GABRA3: variants seen among roughly 807,000 people sequenced by gnomAD.
The protein encoded by GABRA3 is gamma-aminobutyric acid type A receptor subunit alpha3, also known as gamma-aminobutyric acid receptor subunit alpha-3.
A neutral mutation model predicts 30.1 loss-of-function variants in GABRA3; 10 were observed. That is an observed-to-expected ratio of 0.33 (90% CI 0.20 to 0.56). The LOEUF (loss-of-function observed/expected upper bound fraction) is 0.56. Ranked by LOEUF, GABRA3 falls within the 20% of genes least tolerant of loss-of-function variation. The pLI is 0.89. For missense variants in GABRA3, 233 were observed against 392.0 expected, an observed-to-expected ratio of 0.59 and a Z score of 3.42; for synonymous variants, 151 against 146.8, an observed-to-expected ratio of 1.03 and a Z score of -0.21.
chrX:152,193,270 C>T (rs932464965), intron 8 of GABRA3, among the ~76,000 whole-genome samples: 2 of 111,338 alleles, frequency 1.8e-5, no homozygotes, highest in Non-Finnish European at 3.8e-5. Flanking sequence ...CTTAGAGTTT[C>T]GTATAAATAT....
chrX:152,225,409 C>A (rs1603216395), intron 5 of GABRA3, among the ~76,000 whole-genome samples: 1 of 49,673 alleles, frequency 2.0e-5, no homozygotes, highest in African/African-American at 1.1e-4. Flanking sequence ...CACACGCACA[C>A]ACACACACGC....
intron 3 of GABRA3, among the ~76,000 whole-genome samples, chrX:152,326,202 C>T (rs372284221): frequency 8.1e-5 from 9 of 111,224 alleles, no homozygotes; most frequent in East Asian, 5.7e-4. Context: ...TATGGGACTA[C>T]GTGAAAAGAC....
At chrX:152,180,261 C>G (rs1016974102) in intron 9 of GABRA3, among the ~76,000 whole-genome samples, 8 of 111,977 alleles carry the variant, frequency 7.1e-5, no homozygotes, top group African/African-American at 2.6e-4. Flanking sequence ...GAGGTGATAT[C>G]TCATTGTGGT....
intron 4 of GABRA3, among the ~76,000 whole-genome samples, chrX:152,261,256 A>G (rs12006612): frequency 0.049 from 5,517 of 111,486 alleles, 278 homozygotes; most frequent in African/African-American, 0.15. Context: ...GCCAAATCAT[A>G]TAATTCCACT....
intron 9 of GABRA3, among the ~76,000 whole-genome samples, chrX:152,182,363 GTATATATACACTATA>G (rs1368407137): frequency 1.1e-5 from 1 of 91,428 alleles, no homozygotes; most frequent in Non-Finnish European, 2.1e-5. Context: ...TACACACTAT[GTATATATACACTATA>G]TATAGTGTAT....
intron 7 of GABRA3, among the ~76,000 whole-genome samples, chrX:152,201,005 G>C (rs1423660448): frequency 8.9e-6 from 1 of 112,093 alleles, no homozygotes; most frequent in African/African-American, 3.2e-5. Flanking sequence ...CCTTGTATTG[G>C]AGGCTATCCG....
chrX:152,398,617 G>C (rs1345678745), intron 1 of GABRA3, among the ~76,000 whole-genome samples: 1 of 111,922 alleles, frequency 8.9e-6, no homozygotes, highest in African/African-American at 3.2e-5. Context: ...TATATAAAAA[G>C]TACAGAAGTT....
chrX:152,192,917 T>C (rs1224245538), intron 8 of GABRA3, among the ~76,000 whole-genome samples: 1 of 112,278 alleles, frequency 8.9e-6, no homozygotes, highest in Non-Finnish European at 1.9e-5. Flanking sequence ...TCTGAATGCA[T>C]AACCCCCTTT....
At chrX:152,344,691 G>C (rs767146954) in intron 3 of GABRA3, among the ~76,000 whole-genome samples, 39 of 111,757 alleles carry the variant, frequency 3.5e-4, no homozygotes, top group Middle Eastern at 4.7e-3. Flanking sequence ...GTCCCTTCTT[G>C]AGCAATGTGC....
At chrX:152,311,510 A>G (rs930409496) in intron 3 of GABRA3, among the ~76,000 whole-genome samples, 1 of 112,314 alleles carries the variant, frequency 8.9e-6, no homozygotes, top group Admixed American at 9.4e-5. Context: ...ACATTCCTTC[A>G]TGTTAAAACC....
chrX:152,257,845 C>T (rs1268958035), intron 4 of GABRA3, among the ~76,000 whole-genome samples: 1 of 111,975 alleles, frequency 8.9e-6, no homozygotes, highest in Non-Finnish European at 1.9e-5. Context: ...GTAGCAACCT[C>T]AAAATTCTAA....
chrX:152,396,020 A>G (rs964285446), intron 1 of GABRA3, among the ~76,000 whole-genome samples: 1 of 112,312 alleles, frequency 8.9e-6, no homozygotes, highest in African/African-American at 3.2e-5. Context: ...AACTCCCAGT[A>G]CCTGTGGATG....
intron 4 of GABRA3, among the ~76,000 whole-genome samples, chrX:152,275,627 C>G (rs976503912): frequency 9.4e-6 from 1 of 106,298 alleles, no homozygotes. Context: ...GGTGTGGTGG[C>G]GCGTGCCTGT....
chrX:152,225,651 TA>T (rs1447823878), intron 5 of GABRA3, among the ~76,000 whole-genome samples: 1 of 110,209 alleles, frequency 9.1e-6, no homozygotes, highest in Non-Finnish European at 1.9e-5. Context: ...TCTCTCTGAA[TA>T]GTCTATTTCA....
intron 1 of GABRA3, among the ~76,000 whole-genome samples, chrX:152,378,496 T>C (rs1411945990): frequency 9.0e-6 from 1 of 110,999 alleles, no homozygotes; most frequent in African/African-American, 3.3e-5. Flanking sequence ...TAAATAAAAA[T>C]AGACTGTATG....
chrX:152,234,645 G>A (rs1663940934), intron 5 of GABRA3, among the ~76,000 whole-genome samples: 1 of 111,153 alleles, frequency 9.0e-6, no homozygotes, highest in Non-Finnish European at 1.9e-5. Context: ...GTAAATTTTT[G>A]TATATGGTAA....
chrX:152,375,688 T>C (rs906603793), intron 1 of GABRA3, among the ~76,000 whole-genome samples: 3 of 112,408 alleles, frequency 2.7e-5, no homozygotes, highest in Admixed American at 9.4e-5. Flanking sequence ...TGTTTTGTCT[T>C]AGACTGATGA....
intron 3 of GABRA3, among the ~76,000 whole-genome samples, chrX:152,303,289 C>T (rs369695219): frequency 1.8e-5 from 2 of 111,511 alleles, no homozygotes; most frequent in Non-Finnish European, 3.8e-5. Flanking sequence ...GTTAGAATGG[C>T]GATCATTAAA....
At chrX:152,202,404 C>T (rs1474924113) in intron 7 of GABRA3, among the ~76,000 whole-genome samples, 1 of 111,638 alleles carries the variant, frequency 9.0e-6, no homozygotes, top group African/African-American at 3.3e-5. Flanking sequence ...AGCAAAATGT[C>T]TCCCTCCCAC....
Sources: gnomAD v4.1 joint callset for allele counts (sites outside exome capture counted in the v4.1 genomes callset) on GRCh38, gnomAD v4.1.1 for gene constraint, MANE v1.5 for transcripts, NCBI Gene and HGNC (gene_info 2026-07-23, HGNC 2026-07-21) for gene names.